The following ELP1 variants were observed in gnomAD, a reference collection of about 807,000 sequenced individuals.
The protein encoded by ELP1 is elongator acetyltransferase complex subunit 1.
Under a neutral mutation model 183.2 loss-of-function variants are expected in ELP1, and 131 were observed. The observed-to-expected ratio is 0.72, with a 90% CI of 0.62 to 0.83. The LOEUF (loss-of-function observed/expected upper bound fraction) is 0.83, where lower values mean the gene tolerates loss of function less well. ELP1 is among the 40% of genes least tolerant of loss of function. The pLI, the probability that ELP1 is intolerant of heterozygous loss-of-function variation, is 0.00. For missense variants in ELP1, 1,550 were observed against 1,594.9 expected, an observed-to-expected ratio of 0.97 and a Z score of 0.48; for synonymous variants, 555 against 569.0, an observed-to-expected ratio of 0.98 and a Z score of 0.35.
At position 108,870,641 on chromosome 9, in the gene ELP1, C is replaced by T. The variant is rs550835747; in HGVS notation, c.3932-1459G>A. Among the ~76,000 whole-genome samples, 5 of 152,260 alleles carry T rather than the reference C, an allele frequency of 3.3e-5. No individual in the cohort carries two copies. In the East Asian group the frequency reaches 5.8e-4, roughly 18 times the overall value. ...GGCACACTCAGTGTCACTAACTTTACAGAAATACACCATAATTTCTGATGT... is the reference window on the plus strand; with the variant it reads ...GGCACACTCAGTGTCACTAACTTTATAGAAATACACCATAATTTCTGATGT... On this transcript the variant is annotated intron_variant, in intron 36 of 36. Transcript: ENST00000374647.
At position 108,919,345 on chromosome 9, in the gene ELP1, T is replaced by G; in HGVS notation, c.557A>C (p.Glu186Ala). The G allele has an allele frequency of 6.2e-7, 1 of 1,611,866 alleles. No individual in the cohort carries two copies. Among genetic ancestry groups the G allele is most frequent in the Admixed American group, 1.7e-5 (1 of 59,986 alleles). The change falls in exon 7 of 37, where the codon GAG (glutamate) becomes GCG (alanine). Residue 186 changes from glutamate to alanine, a missense_variant. By Grantham distance (107) the Glu-to-Ala change is moderately radical. Coordinates refer to ENST00000374647, the MANE Select transcript of ELP1 (RefSeq NM_003640.5). ...ATGGTCATCCCAGGGCAAAGCAGAC[T>G]CATGCTAAAAAGGGGAACAAACACC... ...RQAAFQMQMH[E>A]SALPWDDHRP...
In ELP1 at chr9:108,927,432, C is replaced by T. The variant is rs1220421991; in HGVS notation, c.325G>A (p.Ala109Thr). The part of the protein sequence containing the change: ...TQQLECVGSV[A>T]SGISVMSWSP... ...CAACTCATAACAGAGATACCACTGGCTACACTCCCAACACACTCCAGCTGA... is the reference window on the plus strand; with the variant it reads ...CAACTCATAACAGAGATACCACTGGTTACACTCCCAACACACTCCAGCTGA... The change falls in exon 4 of 37, where the codon GCC becomes ACC. Residue 109 changes from alanine (A) to threonine (T), a missense_variant. Ala to Thr is a moderately conservative substitution (Grantham distance 58). Transcript: ENST00000374647. 1 of 1,613,708 alleles carries T rather than the reference C, an allele frequency of 6.2e-7. No individual in the cohort carries two copies. The highest frequency in any genetic ancestry group is 1.1e-5 in the South Asian group (1 of 91,080).
Position 108,903,631 on chromosome 9 carries a change from C to T in ELP1, c.1682G>A (p.Cys561Tyr), listed in dbSNP as rs777206524. 1.2e-6 allele frequency: 2 copies of T among 1,613,834 alleles called. No homozygotes were observed. The highest frequency in any genetic ancestry group is 8.5e-7 in the Non-Finnish European group (1 of 1,179,954). ...AAVDGVIISL[C>Y]CNSKTKSVVL... ...TACTGACTTGGTCTTGGAATTGCAACATAGACTGATTATGACCCCATCCAC... is the reference window on the plus strand; with the variant it reads ...TACTGACTTGGTCTTGGAATTGCAATATAGACTGATTATGACCCCATCCAC... Residue 561 changes from cysteine (C) to tyrosine (Y), a missense_variant, in exon 15 of 37, where the codon TGT (cysteine) becomes TAT (tyrosine). Cys to Tyr is a radical substitution (Grantham distance 194). Coordinates refer to ENST00000374647, the MANE Select transcript of ELP1 (RefSeq NM_003640.5).
chr9:108,900,085 G>A (rs552992994), intron 19 of ELP1, among the ~76,000 whole-genome samples, 175 bp downstream of exon 19: 1 of 152,222 alleles, frequency 6.6e-6, no homozygotes, highest in African/African-American at 2.4e-5. Context: ...GAGCCTTATG[G>A]TCACAGCCTG....
chr9:108,878,020 G>T lies in ELP1; in HGVS notation c.3830C>A (p.Thr1277Asn). Residue 1277 changes from threonine (T) to asparagine (N), a missense_variant, in exon 35 of 37, where the codon ACT (threonine) becomes AAT (asparagine). By Grantham distance (65) the Thr-to-Asn change is moderately conservative. Transcript: ENST00000374647. Reference sequence around the variant, plus strand: ...CGGGGTAGCTGAATTCTGCTGGTAAGTAAGAGTCCAAATTTCTGGAAGTGA... The same window carrying T: ...CGGGGTAGCTGAATTCTGCTGGTAATTAAGAGTCCAAATTTCTGGAAGTGA... Reference protein sequence around the residue: ...ERSLPEIWTLTYQQNSATPVL... With the variant: ...ERSLPEIWTLNYQQNSATPVL... 6.2e-7 allele frequency: 1 copy of T among 1,614,208 alleles called. No homozygotes were observed. Among genetic ancestry groups the T allele is most frequent in the Non-Finnish European group, 8.5e-7 (1 of 1,180,030 alleles).
intron 29 of ELP1, among the ~76,000 whole-genome samples, chr9:108,882,692 C>T (rs1357200433): frequency 4.0e-5 from 6 of 151,608 alleles, no homozygotes; most frequent in Non-Finnish European, 8.8e-5. Flanking sequence ...CTGCCTGGCC[C>T]CAAGTGATCC....
At chr9:108,897,314 T>C in intron 22 of ELP1, 29 bp from the exon 23 acceptor site, 3 of 1,613,430 alleles carry the variant, frequency 1.9e-6, no homozygotes, top group Non-Finnish European at 2.5e-6. Flanking sequence ...GGAATGGTCA[T>C]CAACAGAACA....
chr9:108,910,036 T>C (rs184057505), intron 12 of ELP1, among the ~76,000 whole-genome samples: 21 of 152,312 alleles, frequency 1.4e-4, no homozygotes, highest in Non-Finnish European at 2.4e-4. Flanking sequence ...ATTTTTTAAG[T>C]GAATGCAGAA....
At chr9:108,882,280 T>A in intron 29 of ELP1, 93 bp from the exon 30 acceptor site, 1 of 1,044,974 alleles carries the variant, frequency 9.6e-7, no homozygotes, top group Non-Finnish European at 1.5e-6. Flanking sequence ...CCTGCCTCTA[T>A]CTCCCTGGCC....
Position 108,912,492 on chromosome 9 carries a change from G to T in ELP1, c.961C>A (p.Gln321Lys). ...EESSIPKTCV[Q>K]LWTVGNYHWY... ...TGATAGTTTCCAACAGTCCAGAGCTGAACTGCAAGGGAAAATGAAAAGAAG... is the reference window on the plus strand; with the variant it reads ...TGATAGTTTCCAACAGTCCAGAGCTTAACTGCAAGGGAAAATGAAAAGAAG... The change falls in exon 11 of 37, where the codon CAG becomes AAG. Residue 321 changes from glutamine (Q) to lysine (K), a missense_variant and splice_region_variant. Coordinates refer to ENST00000374647, the MANE Select transcript of ELP1 (RefSeq NM_003640.5). 6.2e-7 allele frequency: 1 copy of T among 1,609,548 alleles called. No homozygotes were observed. Among genetic ancestry groups the T allele is most frequent in the South Asian group, 1.1e-5 (1 of 90,852 alleles).
intron 3 of ELP1, among the ~76,000 whole-genome samples, chr9:108,928,709 T>C (rs1829898468): frequency 6.6e-6 from 1 of 151,760 alleles, no homozygotes; most frequent in Admixed American, 6.6e-5. Context: ...TGAAGATAAA[T>C]AGACTGGAAG....
Position 108,898,732 on chromosome 9 carries a change from G to C in ELP1, c.2222C>G (p.Ala741Gly), listed in dbSNP as rs1248893276. The C allele has an allele frequency of 1.2e-6, 2 of 1,610,618 alleles. No individual in the cohort carries two copies. Among genetic ancestry groups the C allele is most frequent in the Non-Finnish European group, 1.7e-6 (2 of 1,177,638 alleles). Residue 741 changes from alanine to glycine, a missense_variant, in exon 21 of 37, where the codon GCA (alanine) becomes GGA (glycine). Transcript: ENST00000374647. ...TCTCAGCTTTCTCATGCATTCAAAT[G>C]CCTCTTTAAACATAAGTCTGTGAGA... is the stretch of plus-strand genomic sequence containing the variant. ...KWLDKLMFKE[A>G]FECMRKLRIN...
intron 29 of ELP1, among the ~76,000 whole-genome samples, chr9:108,885,345 C>T (rs913918534): frequency 4.4e-4 from 67 of 152,020 alleles, no homozygotes; most frequent in East Asian, 2.3e-3. Flanking sequence ...TCACCATAGA[C>T]CCTACGGACA....
chr9:108,888,052 C>G (rs1461306511), intron 29 of ELP1, among the ~76,000 whole-genome samples: 1 of 152,188 alleles, frequency 6.6e-6, no homozygotes, highest in Non-Finnish European at 1.5e-5. Flanking sequence ...TCAACAAATT[C>G]TGACATATAC....
intron 29 of ELP1, among the ~76,000 whole-genome samples, chr9:108,882,953 C>A (rs1317190250): frequency 6.6e-6 from 1 of 152,146 alleles, no homozygotes; most frequent in Non-Finnish European, 1.5e-5. Context: ...GATATTAAAC[C>A]TTTATCAGAT....
chr9:108,903,571 T>C lies in ELP1; in HGVS notation c.1742A>G (p.Tyr581Cys), dbSNP rs755964054. The C allele has an allele frequency of 2.5e-6, 4 of 1,607,592 alleles. No individual in the cohort carries two copies. The African/African-American group carries it at 5.4e-5, about 22-fold the overall frequency. Residue 581 changes from tyrosine (Y) to cysteine (C), a missense_variant, in exon 15 of 37, where the codon TAC (tyrosine) becomes TGC (cysteine). Transcript: ENST00000374647. The part of the protein sequence containing the change: ...LQLADGQIFK[Y>C]LWESPSLAIK... Reference sequence around the variant, plus strand: ...AACACCTTGATACTCACCCCAAAGGTACTTAAATATCTGGCCATCAGCCAG... The same window carrying C: ...AACACCTTGATACTCACCCCAAAGGCACTTAAATATCTGGCCATCAGCCAG...
At position 108,910,975 on chromosome 9, in the gene ELP1, A is replaced by T. The variant is rs766757513; in HGVS notation, c.1360+35T>A. On this transcript the variant is annotated intron_variant, in intron 12 of 36. Coordinates refer to ENST00000374647, the MANE Select transcript of ELP1 (RefSeq NM_003640.5). Reference sequence around the variant, plus strand: ...TTTATGTAGGAGTAGAAGGGACTTGATTCAGAACATCTTGGCAAAAGTTTT... The same window carrying T: ...TTTATGTAGGAGTAGAAGGGACTTGTTTCAGAACATCTTGGCAAAAGTTTT... The T allele has an allele frequency of 1.2e-5, 19 of 1,602,130 alleles. No individual in the cohort carries two copies. In the South Asian group the frequency reaches 1.5e-4, roughly 13 times the overall value.
rs986051097 is a variant in ELP1 at position 108,899,765 on chromosome 9, T to C, written c.2204+57A>G. ...TCTCGAAATTGTAATAAAATACTTA[T>C]TGTCTTCACACATAAATCACAAGCT... On this transcript the variant is annotated intron_variant, in intron 20 of 36. Coordinates refer to ENST00000374647, the MANE Select transcript of ELP1 (RefSeq NM_003640.5). 1.1e-5 allele frequency: 14 copies of C among 1,322,634 alleles called. 1 individual carries two copies. The highest frequency in any genetic ancestry group is 1.4e-5 in the African/African-American group (1 of 69,100). 81.9% of individuals were successfully genotyped at this position (1,322,634 alleles called of 1,614,324 possible). A position where few individuals can be genotyped will look rare whatever the true frequency, so the allele number is the denominator to read the frequency against.
intron 19 of ELP1, 21 bp from the exon 20 acceptor site, chr9:108,899,916 A>C (rs1828703103): frequency 6.3e-7 from 1 of 1,593,600 alleles, no homozygotes; most frequent in Admixed American, 1.7e-5. Context: ...TTAAAGCAGT[A>C]ACATTTTTAA....
Sources: gnomAD v4.1 joint callset for allele counts (sites outside exome capture counted in the v4.1 genomes callset) on GRCh38, gnomAD v4.1.1 for gene constraint, MANE v1.5 for transcripts, NCBI Gene and HGNC (gene_info 2026-07-23, HGNC 2026-07-21) for gene names.